Variants in ATP10B observed in about 807,000 individuals in gnomAD.
The protein encoded by ATP10B is ATPase phospholipid transporting 10B (putative).
ATP10B carries 122 observed loss-of-function variants against 141.2 expected under a neutral mutation model. That is an observed-to-expected ratio of 0.86 (90% CI 0.75 to 1.00). The LOEUF (loss-of-function observed/expected upper bound fraction) is 1.00. Among genes scored for constraint, ATP10B ranks in the 50% least tolerant of loss-of-function variants. The pLI is 0.00. For synonymous variants in ATP10B, 685 were observed against 692.0 expected, an observed-to-expected ratio of 0.99 and a Z score of 0.16; for missense variants, 1,876 against 1,825.3, an observed-to-expected ratio of 1.03 and a Z score of -0.51.
chr5:160,742,241 A>G (rs1006488295), intron 2 of ATP10B, among the ~76,000 whole-genome samples: 15 of 152,192 alleles, frequency 9.9e-5, no homozygotes, highest in Admixed American at 9.8e-4. Context: ...TGGTTAGTAA[A>G]TGGCAGATCC....
intron 2 of ATP10B, among the ~76,000 whole-genome samples, chr5:160,734,598 G>A (rs1015283783): frequency 2.9e-4 from 44 of 151,862 alleles, no homozygotes; most frequent in Middle Eastern, 6.8e-3. Flanking sequence ...GAAAAGTGTA[G>A]CTTAAAAAGT....
intron 24 of ATP10B, among the ~76,000 whole-genome samples, chr5:160,576,418 T>C (rs1218550731): frequency 1.3e-5 from 2 of 152,176 alleles, no homozygotes; most frequent in Non-Finnish European, 2.9e-5. Flanking sequence ...TGGGAAGCAG[T>C]TATCTTTGAG....
rs1754453318 is a variant in ATP10B at position 160,565,134 on chromosome 5, G to A, written c.*319C>T. 2 of 329,262 alleles carry A rather than the reference G, an allele frequency of 6.1e-6. No individual in the cohort carries two copies. Among genetic ancestry groups the A allele is most frequent in the African/African-American group, 2.1e-5 (1 of 47,460 alleles). 20.4% of individuals were successfully genotyped at this position (329,262 alleles called of 1,614,324 possible). A position where few individuals can be genotyped will look rare whatever the true frequency, so the allele number is the denominator to read the frequency against. Reference sequence around the variant, plus strand: ...TGGAAACTTACGGCACTGGGTTGTAGGCTACGCTTATCTAGAGGGTCAGAA... The same window carrying A: ...TGGAAACTTACGGCACTGGGTTGTAAGCTACGCTTATCTAGAGGGTCAGAA... On this transcript the variant is annotated 3_prime_UTR_variant, in exon 26 of 26. Transcript: ENST00000327245.
rs1211580744 is a variant in ATP10B, at chr5:160,812,020, C to CACAGAGAG, written c.-575-26218_-575-26217insCTCTCTGT. ...AGAGAGACAGAGACAGAGACAGAGA[C>CACAGAGAG]AGAGAGAGAGAGAGAGAGAGAGAGA... On this transcript the variant is annotated intron_variant, in intron 1 of 25. Transcript: ENST00000327245. 9.9e-3 allele frequency among the ~76,000 whole-genome samples: 1,107 copies of CACAGAGAG among 111,496 alleles called. 13 individuals are homozygous for CACAGAGAG. Among genetic ancestry groups the CACAGAGAG allele is most frequent in the East Asian group, 0.037 (111 of 3,006 alleles). 73.1% of individuals were successfully genotyped at this position (111,496 alleles called of 152,430 possible). A position where few individuals can be genotyped will look rare whatever the true frequency, so the allele number is the denominator to read the frequency against.
chr5:160,812,048 G>A (rs1773207238), intron 1 of ATP10B, among the ~76,000 whole-genome samples: 1 of 151,414 alleles, frequency 6.6e-6, no homozygotes, highest in Non-Finnish European at 1.5e-5. Flanking sequence ...GAGAGAGAGA[G>A]AGAGAGAGAG....
chr5:160,767,639 C>T (rs951226411), intron 2 of ATP10B, among the ~76,000 whole-genome samples: 2 of 114,900 alleles, frequency 1.7e-5, no homozygotes, highest in African/African-American at 2.9e-5. Flanking sequence ...TGCAGAACCC[C>T]CCCCCCCAAA....
At chr5:160,778,149 C>T (rs979877817) in intron 2 of ATP10B, among the ~76,000 whole-genome samples, 9 of 152,156 alleles carry the variant, frequency 5.9e-5, no homozygotes, top group Non-Finnish European at 1.0e-4. Flanking sequence ...ATGCTTTTTA[C>T]CATGTCCACG....
At chr5:160,701,367 A>G (rs577317872) in intron 3 of ATP10B, among the ~76,000 whole-genome samples, 1 of 152,222 alleles carries the variant, frequency 6.6e-6, no homozygotes, top group South Asian at 2.1e-4. Context: ...TTTTGTGTCC[A>G]TCTTTCTCTC....
chr5:160,928,503 G>A, the ATP10B span, among the ~76,000 whole-genome samples: 2 of 152,112 alleles, frequency 1.3e-5, no homozygotes, highest in Non-Finnish European at 2.9e-5. Context: ...ATCGACTGAA[G>A]TCAAGCACAT....
chr5:160,652,973 A>AATATATTATATATACATGTATATATT (rs1304634332), intron 7 of ATP10B, among the ~76,000 whole-genome samples: 1 of 91,362 alleles, frequency 1.1e-5, no homozygotes, highest in Non-Finnish European at 1.9e-5. Context: ...ATGTATATAT[A>AATATATTATATATACATGTATATATT]ATATATACAT....
chr5:160,816,042 T>G (rs1379897292), intron 1 of ATP10B, among the ~76,000 whole-genome samples: 1 of 151,790 alleles, frequency 6.6e-6, no homozygotes, highest in Admixed American at 6.6e-5. Context: ...TAGCACTAAA[T>G]GCCCACAAGA....
the ATP10B span, among the ~76,000 whole-genome samples, chr5:160,882,975 C>T: frequency 2.6e-5 from 4 of 151,684 alleles, no homozygotes; most frequent in African/African-American, 9.7e-5. Flanking sequence ...AAACTGAAGC[C>T]AACACAAAAA....
intron 2 of ATP10B, among the ~76,000 whole-genome samples, chr5:160,755,420 T>G (rs1768455006): frequency 6.6e-6 from 1 of 152,250 alleles, no homozygotes; most frequent in East Asian, 1.9e-4. Flanking sequence ...CAGAGTGCAT[T>G]CACACAAATC....
chr5:160,632,499 G>C (rs1211037481), intron 12 of ATP10B, 132 bp from the exon 13 acceptor site: 35 of 785,004 alleles, frequency 4.5e-5, no homozygotes, highest in Non-Finnish European at 6.4e-5. Flanking sequence ...TTGGCATCTG[G>C]GCTACCAAGA....
chr5:160,673,533 GTTTT>G (rs34256429), intron 6 of ATP10B, among the ~76,000 whole-genome samples: 29 of 150,206 alleles, frequency 1.9e-4, no homozygotes, highest in African/African-American at 6.6e-4. Flanking sequence ...ATTTTGTTTT[GTTTT>G]TTTTTTTTTT....
intron 2 of ATP10B, among the ~76,000 whole-genome samples, chr5:160,770,374 C>A (rs1769796965): frequency 6.6e-6 from 1 of 152,064 alleles, no homozygotes; most frequent in Admixed American, 6.6e-5. Flanking sequence ...AAACACGGGC[C>A]TTGGAATTGC....
At chr5:160,717,656 A>C (rs1179591501) in intron 2 of ATP10B, among the ~76,000 whole-genome samples, 2 of 152,204 alleles carry the variant, frequency 1.3e-5, no homozygotes, top group Non-Finnish European at 2.9e-5. Context: ...TGGCGCTAAA[A>C]CTATTGTTAT....
intron 2 of ATP10B, among the ~76,000 whole-genome samples, chr5:160,770,656 G>T (rs1769831306): frequency 6.6e-6 from 1 of 152,116 alleles, no homozygotes; most frequent in Non-Finnish European, 1.5e-5. Flanking sequence ...ATTTTGGTTA[G>T]TGTACTTTTA....
At chr5:160,874,182 A>G in the ATP10B span, among the ~76,000 whole-genome samples, 1 of 152,140 alleles carries the variant, frequency 6.6e-6, no homozygotes, top group Admixed American at 6.5e-5. Flanking sequence ...ACGCAGCTGG[A>G]GATCTGAGAA....
Sources: allele counts gnomAD v4.1 joint callset (sites outside exome capture counted in the v4.1 genomes callset), GRCh38; gene constraint gnomAD v4.1.1; transcripts MANE v1.5; gene names NCBI Gene and HGNC (gene_info 2026-07-23, HGNC 2026-07-21).